The following SLC39A12 variants were observed in gnomAD, a reference collection of about 807,000 sequenced individuals.
SLC39A12 encodes zinc transporter ZIP12.
SLC39A12 carries 63 observed loss-of-function variants against 71.1 expected under a neutral mutation model. The observed-to-expected ratio is 0.89, with a 90% CI of 0.72 to 1.09. The LOEUF is 1.09. Among genes scored for constraint, SLC39A12 ranks in the 50% least tolerant of loss-of-function variants. SLC39A12 has a pLI of 0.00. For missense variants in SLC39A12, 892 were observed against 812.6 expected, an observed-to-expected ratio of 1.10 and a Z score of -1.19; for synonymous variants, 351 against 301.3, an observed-to-expected ratio of 1.16 and a Z score of -1.71.
chr10:17,991,327 C>G (rs1259908316), intron 8 of SLC39A12, 24 bp downstream of exon 8: 9 of 1,542,282 alleles, frequency 5.8e-6, no homozygotes, highest in Non-Finnish European at 7.0e-6. Context: ...TTTTATTTGT[C>G]TTGTGCTTTA....
At chr10:18,007,410 C>A (rs1296839311) in intron 12 of SLC39A12, 1 of 152,270 alleles carries the variant, frequency 6.6e-6, no homozygotes, top group Non-Finnish European at 1.5e-5. Context: ...CTCTCCTCAC[C>A]ATGCAGCAGC....
At chr10:17,999,811 C>T (rs1377139262) in intron 10 of SLC39A12, among the ~76,000 whole-genome samples, 8 of 152,152 alleles carry the variant, frequency 5.3e-5, no homozygotes, top group Non-Finnish European at 7.3e-5. Context: ...CCGTTGAAGT[C>T]ACAATGGGGA....
chr10:17,990,445 A>G (rs1835514339), intron 7 of SLC39A12, among the ~76,000 whole-genome samples: 1 of 152,204 alleles, frequency 6.6e-6, no homozygotes, highest in African/African-American at 2.4e-5. Context: ...TCTGGAAACC[A>G]TTTATGAGCT....
chr10:17,987,524 C>T lies in SLC39A12; in HGVS notation c.1142C>T (p.Ser381Phe), dbSNP rs754971060. The change falls in exon 7 of 13, where the codon TCC (serine) becomes TTC (phenylalanine). Residue 381 changes from serine to phenylalanine, a missense_variant. Physicochemically the swap from Ser to Phe is radical, Grantham distance 155. Coordinates refer to ENST00000377369, the MANE Select transcript of SLC39A12 (RefSeq NM_001145195.2). ...TVAVTLLTLG[S>F]MLGTALVLFH... ...GCTGTCACCCTTCTCACACTGGGCT[C>T]CATGCTGGGGACAGCGCTGGTCCTT... 1.1e-5 allele frequency: 17 copies of T among 1,614,000 alleles called. No individual in the cohort carries two copies. Among genetic ancestry groups the T allele is most frequent in the Non-Finnish European group, 1.4e-5 (17 of 1,179,978 alleles).
At chr10:17,978,324 G>A (rs2497827) in intron 5 of SLC39A12, among the ~76,000 whole-genome samples, 68,971 of 152,018 alleles carry the variant, frequency 0.45, 16,197 homozygotes, top group East Asian at 0.62. Context: ...TTCAGATTGA[G>A]TGAATTAATA....
intron 12 of SLC39A12, among the ~76,000 whole-genome samples, chr10:18,036,188 T>TCC (rs1222636803): frequency 6.6e-6 from 1 of 152,246 alleles, no homozygotes; most frequent in East Asian, 1.9e-4. Context: ...AGTTCCAGCT[T>TCC]CAGGGCTGCT....
At chr10:17,996,335 T>G (rs1169734657) in intron 10 of SLC39A12, among the ~76,000 whole-genome samples, 1 of 152,240 alleles carries the variant, frequency 6.6e-6, no homozygotes, top group Non-Finnish European at 1.5e-5. Flanking sequence ...GAATAATTCT[T>G]GAAAGTTTTT....
intron 12 of SLC39A12, among the ~76,000 whole-genome samples, chr10:18,007,829 C>T (rs951950951): frequency 6.6e-6 from 1 of 152,162 alleles, no homozygotes; most frequent in African/African-American, 2.4e-5. Context: ...TTACTGCAAA[C>T]TGTTTTGTCA....
chr10:17,977,482 G>A (rs976275110), intron 4 of SLC39A12, among the ~76,000 whole-genome samples: 24 of 152,104 alleles, frequency 1.6e-4, no homozygotes, highest in African/African-American at 5.8e-4. Context: ...ACTAATCTGT[G>A]ATCTTTAAAT....
chr10:18,039,994 G>C (rs1402666135), intron 12 of SLC39A12, among the ~76,000 whole-genome samples: 8 of 152,170 alleles, frequency 5.3e-5, no homozygotes, highest in Non-Finnish European at 1.0e-4. Context: ...AACGGGGAAA[G>C]TTTGTCATAA....
chr10:18,000,718 A>G lies in SLC39A12; in HGVS notation c.1652A>G (p.His551Arg). The G allele has an allele frequency of 3.7e-6, 6 of 1,614,210 alleles. No individual in the cohort carries two copies. Among genetic ancestry groups the G allele is most frequent in the Non-Finnish European group, 5.1e-6 (6 of 1,180,032 alleles). Residue 551 changes from histidine (H) to arginine (R), a missense_variant, in exon 11 of 13, where the codon CAT becomes CGT. By Grantham distance (29) the His-to-Arg change is conservative. Coordinates refer to ENST00000377369, the MANE Select transcript of SLC39A12 (RefSeq NM_001145195.2). ...AIMILVGDSL[H>R]NFADGLAIGA... is the part of the protein sequence containing the mutation. ...ATGATTCTGGTTGGGGACAGCCTGC[A>G]TAATTTTGCAGATGGCCTAGCCATA...
At chr10:17,956,978 A>G (rs555971662) in intron 2 of SLC39A12, among the ~76,000 whole-genome samples, 6 of 152,180 alleles carry the variant, frequency 3.9e-5, no homozygotes, top group Non-Finnish European at 8.8e-5. Flanking sequence ...GTTCTCTCTT[A>G]TATTTACAAT....
chr10:17,995,834 T>C (rs1472043630), intron 10 of SLC39A12, 112 bp downstream of exon 10: 2 of 901,980 alleles, frequency 2.2e-6, no homozygotes, highest in African/African-American at 3.4e-5. Flanking sequence ...ATGTAGTTTA[T>C]TATGAAAAAC....
intron 4 of SLC39A12, among the ~76,000 whole-genome samples, chr10:17,967,211 C>T (rs56336322): frequency 0.12 from 17,690 of 152,042 alleles, 1,118 homozygotes; most frequent in South Asian, 0.15. Context: ...ATCTATCACG[C>T]ATTTCTATGT....
chr10:18,019,242 C>T (rs146188185), intron 12 of SLC39A12, among the ~76,000 whole-genome samples: 10 of 152,070 alleles, frequency 6.6e-5, no homozygotes, highest in Non-Finnish European at 5.9e-5. Context: ...TAGTGACATC[C>T]TCTCTTTGAT....
intron 4 of SLC39A12, among the ~76,000 whole-genome samples, chr10:17,977,222 A>G (rs1056777382): frequency 6.6e-6 from 1 of 151,936 alleles, no homozygotes; most frequent in Non-Finnish European, 1.5e-5. Context: ...TAATTCTTTA[A>G]ATATAATTTC....
chr10:17,993,217 T>A lies in SLC39A12; in HGVS notation c.1459T>A (p.Ser487Thr). ...LSLVNGHVGH[S>T]HHLALNSELS... ...ATTGGTTAATGGGCACGTGGGTCATTCCCACCATCTTGCACTCAACTCTGA... is the reference window on the plus strand; with the variant it reads ...ATTGGTTAATGGGCACGTGGGTCATACCCACCATCTTGCACTCAACTCTGA... Residue 487 changes from serine to threonine, a missense_variant, in exon 9 of 13, where the codon TCC becomes ACC. Ser to Thr is a moderately conservative substitution (Grantham distance 58). Transcript: ENST00000377369. 1.3e-6 allele frequency: 2 copies of A among 1,551,758 alleles called. No individual in the cohort carries two copies. The highest frequency in any genetic ancestry group is 2.4e-5 in the South Asian group (2 of 84,032).
intron 11 of SLC39A12, chr10:18,002,161 A>G (rs551278746): frequency 6.6e-6 from 1 of 152,326 alleles, no homozygotes; most frequent in African/African-American, 2.4e-5. Context: ...CAGAAATAGT[A>G]GAGGCTGGTC....
At chr10:17,999,104 C>T (rs1057353583) in intron 10 of SLC39A12, among the ~76,000 whole-genome samples, 2 of 151,948 alleles carry the variant, frequency 1.3e-5, no homozygotes, top group Non-Finnish European at 2.9e-5. Context: ...CGAGACCAGC[C>T]TGACCATGTG....
Sources: gnomAD v4.1 joint callset for allele counts (sites outside exome capture counted in the v4.1 genomes callset) on GRCh38, gnomAD v4.1.1 for gene constraint, MANE v1.5 for transcripts, NCBI Gene and HGNC (gene_info 2026-07-23, HGNC 2026-07-21) for gene names.